The following FGL1 variants were observed in gnomAD, a reference collection of about 807,000 sequenced individuals.
The protein encoded by FGL1 is fibrinogen-like protein 1.
FGL1 carries 59 observed loss-of-function variants against 43.7 expected under a neutral mutation model. The ratio of observed to expected loss-of-function variants is 1.35; its 90% confidence interval spans 1.10 to 1.68. The LOEUF (loss-of-function observed/expected upper bound fraction) is 1.68. Ranked by LOEUF, FGL1 falls within the 40% of genes most tolerant of loss-of-function variation. The pLI, the probability that FGL1 is intolerant of heterozygous loss-of-function variation, is 0.00. For missense variants in FGL1, 596 were observed against 373.0 expected (o/e 1.60, Z -4.92); for synonymous variants, 192 against 126.5 (o/e 1.52, Z -3.48).
intron 5 of FGL1, among the ~76,000 whole-genome samples, chr8:17,873,272 T>C (rs1407822810): frequency 6.6e-6 from 1 of 152,178 alleles, no homozygotes; most frequent in Non-Finnish European, 1.5e-5. Flanking sequence ...AAGAGACTTA[T>C]ATACATCCAC....
intron 1 of FGL1, among the ~76,000 whole-genome samples, chr8:17,889,705 C>T (rs1284458995): frequency 1.3e-5 from 2 of 152,214 alleles, no homozygotes; most frequent in African/African-American, 4.8e-5. Flanking sequence ...GGGAATATCT[C>T]CCAAATCTCC....
intron 2 of FGL1, among the ~76,000 whole-genome samples, chr8:17,884,848 A>G (rs1238302264): frequency 6.6e-6 from 1 of 152,138 alleles, no homozygotes; most frequent in African/African-American, 2.4e-5. Flanking sequence ...TCACAAATGA[A>G]GGACAACACA....
At chr8:17,869,442 C>G (rs1185595065) in intron 5 of FGL1, among the ~76,000 whole-genome samples, 2 of 152,086 alleles carry the variant, frequency 1.3e-5, no homozygotes, top group African/African-American at 2.4e-5. Context: ...GTAGCTGAGC[C>G]ACTAGGTTTG....
intron 2 of FGL1, chr8:17,882,755 A>G (rs576090877): frequency 3.9e-4 from 52 of 133,848 alleles, no homozygotes; most frequent in Non-Finnish European, 6.9e-4. Flanking sequence ...TAATATATAT[A>G]ATATATAATA....
chr8:17,889,331 C>A (rs1465542234), intron 1 of FGL1, among the ~76,000 whole-genome samples: 1 of 152,134 alleles, frequency 6.6e-6, no homozygotes, highest in East Asian at 1.9e-4. Flanking sequence ...GGGAGGATCG[C>A]CAGAGGCCAG....
intron 2 of FGL1, chr8:17,882,712 T>G (rs2053555378): frequency 7.2e-6 from 1 of 139,748 alleles, no homozygotes; most frequent in Non-Finnish European, 1.5e-5. Context: ...ATATTATATA[T>G]TATATATATT....
At chr8:17,882,365 G>C (rs1296827618) in intron 2 of FGL1, 186 bp from the exon 3 acceptor site, 1 of 515,682 alleles carries the variant, frequency 1.9e-6, no homozygotes, top group African/African-American at 2.0e-5. Context: ...GGAAATTATG[G>C]CTTATGCGAA....
chr8:17,880,389 T>A (rs2053517413), intron 3 of FGL1, among the ~76,000 whole-genome samples: 1 of 152,262 alleles, frequency 6.6e-6, no homozygotes, highest in African/African-American at 2.4e-5. Context: ...ACAACTCCTA[T>A]ATCCTACACT....
At chr8:17,869,509 A>T (rs1407572162) in intron 5 of FGL1, among the ~76,000 whole-genome samples, 1 of 152,228 alleles carries the variant, frequency 6.6e-6, no homozygotes, top group African/African-American at 2.4e-5. Flanking sequence ...TCCTGATAGC[A>T]TAAAAGATCA....
intron 7 of FGL1, among the ~76,000 whole-genome samples, chr8:17,865,591 T>G (rs1249886417): frequency 1.3e-5 from 2 of 152,202 alleles, no homozygotes; most frequent in African/African-American, 4.8e-5. Flanking sequence ...GATAAGCTGG[T>G]TAGGTTATCG....
At chr8:17,868,859 T>C in intron 6 of FGL1, 57 bp downstream of exon 6, 1 of 1,470,868 alleles carries the variant, frequency 6.8e-7, no homozygotes, top group South Asian at 1.2e-5. Context: ...ACTCCAGGGT[T>C]ATATTGCACA....
At position 17,888,546 on chromosome 8, in the gene FGL1, A is replaced by G. The variant is rs537269884; in HGVS notation, c.-17-2975T>C. Among the ~76,000 whole-genome samples the G allele has an allele frequency of 3.9e-5, 6 of 152,336 alleles. No homozygotes were observed. The South Asian group carries it at 6.2e-4, about 16-fold the overall frequency. Reference sequence around the variant, plus strand: ...GAAATAAGTATTCTAAACCGAAGACATCTGATGTTAGGAGCAAATACATTT... The same window carrying G: ...GAAATAAGTATTCTAAACCGAAGACGTCTGATGTTAGGAGCAAATACATTT... On this transcript the variant is annotated intron_variant, in intron 1 of 7. Coordinates refer to ENST00000427924, the MANE Select transcript of FGL1 (RefSeq NM_004467.4).
At chr8:17,886,650 C>T (rs200445371) in intron 1 of FGL1, among the ~76,000 whole-genome samples, 5 of 152,012 alleles carry the variant, frequency 3.3e-5, no homozygotes, top group East Asian at 3.9e-4. Context: ...CCCAGCCACT[C>T]GGGAGGCTGA....
At chr8:17,879,678 G>C (rs1230690106) in intron 3 of FGL1, among the ~76,000 whole-genome samples, 2 of 151,744 alleles carry the variant, frequency 1.3e-5, no homozygotes, top group Non-Finnish European at 2.9e-5. Context: ...CCCAGAAGCA[G>C]ATGCTGCTAT....
chr8:17,886,872 A>T (rs892104753), intron 1 of FGL1, among the ~76,000 whole-genome samples: 2 of 152,076 alleles, frequency 1.3e-5, no homozygotes, highest in Non-Finnish European at 2.9e-5. Context: ...AAGCGAGAGA[A>T]GTCACAGTGT....
chr8:17,892,720 T>C (rs1489361105), intron 1 of FGL1, among the ~76,000 whole-genome samples: 5 of 152,164 alleles, frequency 3.3e-5, no homozygotes, highest in Admixed American at 2.6e-4. Context: ...AGGAAACAAA[T>C]TTTCATTATT....
At position 17,895,489 on chromosome 8, in the gene FGL1, C is replaced by G. The variant is rs1277696179; in HGVS notation, c.-60G>C. ...TCAGAGACCCAGCTCAGGTTCCATC[C>G]AGACACTCTGCTTCCCAGGATCCTG... On this transcript the variant is annotated 5_prime_UTR_variant, in exon 1 of 8. Coordinates refer to ENST00000427924, the MANE Select transcript of FGL1 (RefSeq NM_004467.4). The G allele has an allele frequency of 7.8e-7, 1 of 1,285,666 alleles. No homozygotes were observed. The highest frequency in any genetic ancestry group is 1.5e-5 in the African/African-American group (1 of 65,760). 79.6% of individuals were successfully genotyped at this position (1,285,666 alleles called of 1,614,324 possible).
chr8:17,879,783 C>T (rs551472120), intron 3 of FGL1, among the ~76,000 whole-genome samples: 12 of 152,190 alleles, frequency 7.9e-5, no homozygotes, highest in South Asian at 2.1e-4. Flanking sequence ...GGTATGAGAA[C>T]GGACTAATAC....
chr8:17,893,639 C>G lies in FGL1; in HGVS notation c.-18+1808G>C, dbSNP rs754939343. Among the ~76,000 whole-genome samples, 89 of 146,510 alleles carry G rather than the reference C, an allele frequency of 6.1e-4. 5 individuals are homozygous for G. Among genetic ancestry groups the G allele is most frequent in the Non-Finnish European group, 9.9e-4 (67 of 67,672 alleles). On this transcript the variant is annotated intron_variant, in intron 1 of 7. Coordinates refer to ENST00000427924, the MANE Select transcript of FGL1 (RefSeq NM_004467.4). The stretch of plus-strand genomic sequence containing the variant: ...AAGCATTTCAAAATGTAATTATTTA[C>G]ATTTAGAAAGTCATTATATTACTTT...
Sources: gnomAD v4.1 joint callset for allele counts (sites outside exome capture counted in the v4.1 genomes callset) on GRCh38, gnomAD v4.1.1 for gene constraint, MANE v1.5 for transcripts, NCBI Gene and HGNC (gene_info 2026-07-23, HGNC 2026-07-21) for gene names.